The following PCLO variants were observed in gnomAD, a reference collection of about 807,000 sequenced individuals.
The protein encoded by PCLO is piccolo presynaptic cytomatrix protein, also known as protein piccolo.
PCLO carries 82 observed loss-of-function variants against 427.5 expected under a neutral mutation model. The observed-to-expected ratio is 0.19, with a 90% confidence interval of 0.16 to 0.23. The LOEUF (loss-of-function observed/expected upper bound fraction) is 0.23. Ranked by LOEUF, PCLO falls within the 10% of genes least tolerant of loss-of-function variation. PCLO has a pLI of 1.00. For missense variants in PCLO, 6,239 were observed against 6,115.9 expected, an observed-to-expected ratio of 1.02 and a Z score of -0.67; for synonymous variants, 2,357 against 2,155.4, an observed-to-expected ratio of 1.09 and a Z score of -2.59.
intron 22 of PCLO, among the ~76,000 whole-genome samples, chr7:82,775,632 T>C (rs1790733455): frequency 1.3e-5 from 2 of 152,230 alleles, no homozygotes; most frequent in South Asian, 2.1e-4. Context: ...CCTTTATAAG[T>C]CTTTTGTAAA....
chr7:83,015,768 A>G (rs1788191638), intron 3 of PCLO, among the ~76,000 whole-genome samples: 1 of 152,138 alleles, frequency 6.6e-6, no homozygotes, highest in Non-Finnish European at 1.5e-5. Context: ...ATTTTACTAC[A>G]TTACAAATTT....
intron 3 of PCLO, among the ~76,000 whole-genome samples, chr7:83,057,327 T>C (rs1480344493): frequency 7.6e-4 from 11 of 14,496 alleles, no homozygotes; most frequent in African/African-American, 2.2e-3. Flanking sequence ...CATATATATA[T>C]ATATATATAT....
At chr7:82,773,701 C>A (rs1790691047) in intron 22 of PCLO, among the ~76,000 whole-genome samples, 2 of 151,824 alleles carry the variant, frequency 1.3e-5, no homozygotes, top group African/African-American at 2.4e-5. Context: ...CCAATTATTT[C>A]TTCTTAATCC....
Position 82,758,472 on chromosome 7 carries a change from T to C in PCLO, c.*103A>G. 1 of 892,368 alleles carries C rather than the reference T, an allele frequency of 1.1e-6. No individual in the cohort carries two copies. Among genetic ancestry groups the C allele is most frequent in the Non-Finnish European group, 1.7e-6 (1 of 601,568 alleles). 55.3% of individuals were successfully genotyped at this position (892,368 alleles called of 1,614,324 possible). A position where few individuals can be genotyped will look rare whatever the true frequency, so the allele number is the denominator to read the frequency against. The stretch of plus-strand genomic sequence containing the variant: ...TGTTTTTGCTTGTTGTTCCCACTCT[T>C]ATGTTTGCCTCTCAAAACTTAGCTT... On this transcript the variant is annotated 3_prime_UTR_variant, in exon 25 of 25. Transcript: ENST00000333891.
intron 20 of PCLO, chr7:82,821,714 G>T: frequency 1.0e-6 from 1 of 983,132 alleles, no homozygotes; most frequent in Non-Finnish European, 1.2e-6. Flanking sequence ...ATTTCCAATG[G>T]TTAGAAAAAA....
At chr7:83,022,132 C>T (rs186839212) in intron 3 of PCLO, among the ~76,000 whole-genome samples, 236 of 151,972 alleles carry the variant, frequency 1.6e-3, no homozygotes, top group Middle Eastern at 0.014. Flanking sequence ...GGGATTAGTG[C>T]CCATATGAAA....
At chr7:82,999,755 AT>A in intron 3 of PCLO, among the ~76,000 whole-genome samples, 3 of 105,476 alleles carry the variant, frequency 2.8e-5, no homozygotes, top group Non-Finnish European at 5.7e-5. Context: ...ATATAATATT[AT>A]ATATAAAATA....
At chr7:83,109,160 T>C (rs1790940039) in intron 3 of PCLO, among the ~76,000 whole-genome samples, 1 of 152,144 alleles carries the variant, frequency 6.6e-6, no homozygotes, top group African/African-American at 2.4e-5. Flanking sequence ...CCCACATCTA[T>C]ATCCAAACCT....
rs199999321 is a variant in PCLO, at chr7:83,135,137, T to G, written c.2413A>C (p.Ser805Arg). The G allele has an allele frequency of 1.4e-5, 23 of 1,613,974 alleles. No homozygotes were observed. The East Asian group carries it at 5.1e-4, about 36-fold the overall frequency. Residue 805 changes from serine (S) to arginine (R), a missense_variant, in exon 3 of 25, where the codon AGT becomes CGT. By Grantham distance (110) the Ser-to-Arg change is moderately radical. Coordinates refer to ENST00000333891, the MANE Select transcript of PCLO (RefSeq NM_033026.6). ...ACTTTTTCCCCTGTTGGTGGAAAAC[T>G]CTGTGAGGGTTTGGCAGAGTCTGTT... is the stretch of plus-strand genomic sequence containing the variant. Reference protein sequence around the residue: ...LKTDSAKPSQSFPPTGEKVSP... With the variant: ...LKTDSAKPSQRFPPTGEKVSP...
At chr7:83,046,957 A>C (rs1462730740) in intron 3 of PCLO, among the ~76,000 whole-genome samples, 1 of 152,010 alleles carries the variant, frequency 6.6e-6, no homozygotes, top group Non-Finnish European at 1.5e-5. Context: ...GTAGCACTAA[A>C]GGATAAAAAT....
intron 10 of PCLO, among the ~76,000 whole-genome samples, chr7:82,848,452 A>C (rs1263603850): frequency 6.6e-6 from 1 of 151,790 alleles, no homozygotes; most frequent in Admixed American, 6.6e-5. Flanking sequence ...CTGGGATTAC[A>C]GGTGTGCGCC....
At chr7:83,016,670 A>AC (rs1298404064) in intron 3 of PCLO, among the ~76,000 whole-genome samples, 1 of 152,098 alleles carries the variant, frequency 6.6e-6, no homozygotes, top group Non-Finnish European at 1.5e-5. Context: ...AGGAAGAGAG[A>AC]CATCACTGGA....
intron 10 of PCLO, among the ~76,000 whole-genome samples, chr7:82,877,128 G>A (rs1181990458): frequency 6.6e-6 from 1 of 151,946 alleles, no homozygotes; most frequent in Non-Finnish European, 1.5e-5. Flanking sequence ...TCTTGAGATG[G>A]TATCATATCT....
At chr7:82,914,393 TTTA>T in intron 7 of PCLO, 1 of 538,678 alleles carries the variant, frequency 1.9e-6, no homozygotes, top group East Asian at 2.9e-5. Context: ...ATGACCATAT[TTTA>T]TTGACAGAAT....
At chr7:83,135,783 T>A in intron 2 of PCLO, 127 bp from the exon 3 acceptor site, 1 of 577,898 alleles carries the variant, frequency 1.7e-6, no homozygotes, top group South Asian at 2.7e-5. Context: ...ATAGAGAAAA[T>A]TATTTTAATA....
chr7:82,877,808 G>A (rs1414968898), intron 10 of PCLO, among the ~76,000 whole-genome samples: 1 of 152,084 alleles, frequency 6.6e-6, no homozygotes, highest in Non-Finnish European at 1.5e-5. Context: ...TGGGATTACA[G>A]GCTCCCGCCA....
intron 3 of PCLO, among the ~76,000 whole-genome samples, chr7:83,082,813 AAAG>A (rs1790136016): frequency 6.6e-6 from 1 of 151,902 alleles, no homozygotes; most frequent in African/African-American, 2.4e-5. Flanking sequence ...AATATCTGAA[AAAG>A]AAGGAAAAAT....
intron 3 of PCLO, among the ~76,000 whole-genome samples, chr7:83,133,487 T>A (rs1043581778): frequency 7.2e-5 from 11 of 152,086 alleles, no homozygotes; most frequent in African/African-American, 2.7e-4. Flanking sequence ...TTTATAACTA[T>A]ATTAGAAATT....
In PCLO at chr7:83,062,605, T is replaced by C. The variant is rs534072914; in HGVS notation, c.3300+71645A>G. Among the ~76,000 whole-genome samples the C allele has an allele frequency of 2.9e-3, 444 of 152,296 alleles. 2 individuals carry two copies. Among genetic ancestry groups the C allele is most frequent in the Non-Finnish European group, 4.9e-3 (334 of 67,984 alleles). ...TCTGCTCATCAACAGCAGACATTCA[T>C]TGAGTGACTTCTATGTGTGAGGCAG... On this transcript the variant is annotated intron_variant, in intron 3 of 24. Transcript: ENST00000333891.
Sources: gnomAD v4.1 joint callset for allele counts (sites outside exome capture counted in the v4.1 genomes callset) on GRCh38, gnomAD v4.1.1 for gene constraint, MANE v1.5 for transcripts, NCBI Gene and HGNC (gene_info 2026-07-23, HGNC 2026-07-21) for gene names.